SLCO1B3: variants seen among roughly 807,000 people sequenced by gnomAD.
The protein encoded by SLCO1B3 is solute carrier organic anion transporter family member 1B3, also known as liver-specific organic anion transporter 2.
Under a neutral mutation model 71.8 loss-of-function variants are expected in SLCO1B3, and 72 were observed. The observed-to-expected ratio is 1.00, with a 90% CI of 0.83 to 1.22. The LOEUF (loss-of-function observed/expected upper bound fraction) is 1.22, where lower values mean the gene tolerates loss of function less well. Among genes scored for constraint, SLCO1B3 ranks in the 50% most tolerant of loss-of-function variants. The pLI is 0.00. For synonymous variants in SLCO1B3, 298 were observed against 278.4 expected (o/e 1.07, Z -0.70); for missense variants, 911 against 819.7 (o/e 1.11, Z -1.36).
At chr12:20,877,584 T>C (rs1457525085) in intron 9 of SLCO1B3, among the ~76,000 whole-genome samples, 188 bp from the exon 10 acceptor site, 1 of 152,160 alleles carries the variant, frequency 6.6e-6, no homozygotes, top group Non-Finnish European at 1.5e-5. Flanking sequence ...TCTGAGTTCC[T>C]ATTTACCTCA....
intron 3 of SLCO1B3, among the ~76,000 whole-genome samples, chr12:20,823,868 C>T (rs2121101347): frequency 6.6e-6 from 1 of 152,248 alleles, no homozygotes; most frequent in South Asian, 2.1e-4. Flanking sequence ...AGATATGGGG[C>T]TAGTTTTTCC....
Position 20,901,437 on chromosome 12 carries a change from C to T in SLCO1B3, c.1835C>T (p.Ala612Val), listed in dbSNP as rs1349111961. The T allele has an allele frequency of 1.3e-6, 2 of 1,554,742 alleles. No homozygotes were observed. The highest frequency in any genetic ancestry group is 4.7e-5 in the East Asian group (2 of 42,636). The change falls in exon 15 of 16, where the codon GCT (alanine) becomes GTT (valine). Residue 612 changes from alanine (A) to valine (V), a missense_variant. Coordinates refer to ENST00000381545, the MANE Select transcript of SLCO1B3 (RefSeq NM_019844.4). ...WSTNSCGAQGACRIYNSVFFG... is the reference protein window; with the variant it reads ...WSTNSCGAQGVCRIYNSVFFG... ...ACCAACAGCTGTGGAGCACAAGGGG[C>T]TTGTAGGATATATAATTCCGTATTT...
chr12:20,873,306 T>A (rs1265831539), intron 8 of SLCO1B3, among the ~76,000 whole-genome samples: 1 of 152,172 alleles, frequency 6.6e-6, no homozygotes, highest in Non-Finnish European at 1.5e-5. Context: ...GTGGTCCAAA[T>A]CTTTGTTTCC....
intron 3 of SLCO1B3, among the ~76,000 whole-genome samples, chr12:20,848,447 C>T (rs1423522871): frequency 1.3e-5 from 2 of 152,144 alleles, no homozygotes; most frequent in African/African-American, 4.8e-5. Flanking sequence ...AATCTAAAGA[C>T]AGGCTTACTG....
chr12:20,897,639 A>T (rs1358166046), intron 13 of SLCO1B3, among the ~76,000 whole-genome samples: 1 of 152,210 alleles, frequency 6.6e-6, no homozygotes. Flanking sequence ...CTCTGAAAAA[A>T]ACCATCCAAC....
chr12:20,867,181 T>C (rs182503082), intron 8 of SLCO1B3, among the ~76,000 whole-genome samples: 44 of 152,192 alleles, frequency 2.9e-4, no homozygotes, highest in Non-Finnish European at 5.4e-4. Context: ...CTAAGGACAT[T>C]TAAGGCTCAT....
At chr12:20,856,146 G>A (rs564922119) in intron 4 of SLCO1B3, among the ~76,000 whole-genome samples, 366 of 152,234 alleles carry the variant, frequency 2.4e-3, no homozygotes, top group African/African-American at 7.9e-3. Flanking sequence ...TAGTTTTAAC[G>A]TTTAATTCAC....
chr12:20,901,459 AT>A lies in SLCO1B3; in HGVS notation c.1863del (p.Phe621LeufsTer10). 4 of 1,519,362 alleles carry A rather than the reference AT, an allele frequency of 2.6e-6. No homozygotes were observed. Among genetic ancestry groups the A allele is most frequent in the Admixed American group, 2.3e-5 (1 of 42,586 alleles). 94.1% of individuals were successfully genotyped at this position (1,519,362 alleles called of 1,614,324 possible). ...GGGCTTGTAGGATATATAATTCCGT[AT>A]TTTTTGGGTAAGTTGTCGTAAACAC... ...QGACRIYNSV[F>X]FGRVYLGLSI... On this transcript the variant is annotated frameshift_variant, in exon 15 of 16. Transcript: ENST00000381545. LOFTEE classifies it high-confidence loss of function.
At chr12:20,845,630 G>GTTTTT (rs1864901689) in intron 3 of SLCO1B3, among the ~76,000 whole-genome samples, 1 of 151,936 alleles carries the variant, frequency 6.6e-6, no homozygotes, top group African/African-American at 2.4e-5. Flanking sequence ...ATTGAGATTT[G>GTTTTT]TGATGTATCA....
intron 3 of SLCO1B3, among the ~76,000 whole-genome samples, chr12:20,817,574 G>A (rs910378944): frequency 6.6e-5 from 10 of 152,002 alleles, no homozygotes; most frequent in Non-Finnish European, 8.8e-5. Context: ...TGCTGTTTTG[G>A]TTACTATAAC....
intron 13 of SLCO1B3, among the ~76,000 whole-genome samples, chr12:20,896,637 C>T (rs1471115166): frequency 1.3e-5 from 2 of 152,132 alleles, no homozygotes; most frequent in African/African-American, 4.8e-5. Flanking sequence ...CAAACTTTCC[C>T]ATATTTTCTT....
intron 3 of SLCO1B3, among the ~76,000 whole-genome samples, chr12:20,839,551 G>A (rs571976287): frequency 4.6e-5 from 7 of 152,170 alleles, no homozygotes; most frequent in African/African-American, 1.7e-4. Flanking sequence ...GGTAAGGATA[G>A]GTATTTTATT....
At chr12:20,915,743 G>T (rs1200900744) in intron 15 of SLCO1B3, among the ~76,000 whole-genome samples, 1 of 152,058 alleles carries the variant, frequency 6.6e-6, no homozygotes, top group Non-Finnish European at 1.5e-5. Context: ...GGCTTGAGGG[G>T]GCTGGAGTTA....
chr12:20,877,837 T>C lies in SLCO1B3; in HGVS notation c.1036T>C (p.Leu346=), dbSNP rs745900922. The change falls in exon 10 of 16, where the codon TTG becomes CTG. Residue 346 remains leucine, a synonymous_variant. Transcript: ENST00000381545. ...GTATGTTATATTTCTGCTTTTGACA[T>C]TGTTACAAGTAAGCAGCTTTATTGG... is the stretch of plus-strand genomic sequence containing the variant. ...PLYVIFLLLT[L]LQVSSFIGSF... 1.3e-6 allele frequency: 2 copies of C among 1,580,066 alleles called. No homozygotes were observed. Among genetic ancestry groups the C allele is most frequent in the South Asian group, 2.4e-5 (2 of 84,902 alleles).
chr12:20,916,474 C>A lies in SLCO1B3; in HGVS notation c.*227C>A. 1 of 340,430 alleles carries A rather than the reference C, an allele frequency of 2.9e-6. No homozygotes were observed. The highest frequency in any genetic ancestry group is 5.4e-6 in the Non-Finnish European group (1 of 186,294). 21.1% of individuals were successfully genotyped at this position (340,430 alleles called of 1,614,324 possible). A position where few individuals can be genotyped will look rare whatever the true frequency, so the allele number is the denominator to read the frequency against. On this transcript the variant is annotated 3_prime_UTR_variant, in exon 16 of 16. Coordinates refer to ENST00000381545, the MANE Select transcript of SLCO1B3 (RefSeq NM_019844.4). ...TGAGAGGCATGGTTAGTGTGTGATA[C>A]AATAAAAAGTAATTGTTTGGTAGTT...
intron 5 of SLCO1B3, among the ~76,000 whole-genome samples, chr12:20,859,350 T>TA (rs1369942366): frequency 6.6e-6 from 1 of 152,082 alleles, no homozygotes; most frequent in Non-Finnish European, 1.5e-5. Context: ...TATTTCCAGC[T>TA]AAAAAAACCA....
intron 6 of SLCO1B3, 144 bp from the exon 7 acceptor site, chr12:20,862,268 A>T: frequency 1.0e-6 from 1 of 978,176 alleles, no homozygotes; most frequent in South Asian, 1.8e-5. Context: ...CCTTATTTTC[A>T]AACTTTGTAA....
chr12:20,904,770 T>C (rs1866204917), intron 15 of SLCO1B3, among the ~76,000 whole-genome samples: 1 of 128,362 alleles, frequency 7.8e-6, no homozygotes, highest in Admixed American at 8.0e-5. Context: ...TTTTTTTTTT[T>C]TTTTTTTTTT....
intron 13 of SLCO1B3, among the ~76,000 whole-genome samples, chr12:20,889,883 G>T (rs1865868476): frequency 6.7e-6 from 1 of 150,074 alleles, no homozygotes; most frequent in Non-Finnish European, 1.5e-5. Context: ...TTGGTATGTT[G>T]TGTCTTTATT....
Sources: gnomAD v4.1 joint callset for allele counts (sites outside exome capture counted in the v4.1 genomes callset) on GRCh38, gnomAD v4.1.1 for gene constraint, MANE v1.5 for transcripts, NCBI Gene and HGNC (gene_info 2026-07-23, HGNC 2026-07-21) for gene names.